The following GINS2 variants were observed in gnomAD, a reference collection of about 807,000 sequenced individuals.
GINS2 encodes the protein GINS complex subunit 2, also known as DNA replication complex GINS protein PSF2.
A neutral mutation model predicts 21.2 loss-of-function variants in GINS2; 23 were observed. The ratio of observed to expected loss-of-function variants is 1.08; its 90% CI spans 0.78 to 1.53. The LOEUF is 1.53. Among genes scored for constraint, GINS2 ranks in the 40% most tolerant of loss-of-function variants. The pLI is 0.00. For synonymous variants in GINS2, 118 were observed against 85.6 expected (o/e 1.38, Z -2.09); for missense variants, 323 against 233.9 (o/e 1.38, Z -2.49).
chr16:85,678,347 G>C lies in GINS2; in HGVS notation c.433-10C>G. The C allele has an allele frequency of 6.2e-7, 1 of 1,613,626 alleles. No individual in the cohort carries two copies. The highest frequency in any genetic ancestry group is 8.5e-7 in the Non-Finnish European group (1 of 1,179,798). On this transcript the variant is annotated splice_polypyrimidine_tract_variant and intron_variant, in intron 4 of 4. Transcript: ENST00000253462. ...AGGTCAAGTTATCCAGCTAAAGCAA[G>C]AAAACAGACCAAGTTGGCCAAGGAG...
chr16:85,688,755 G>T, intron 1 of GINS2, 54 bp downstream of exon 1: 1 of 1,149,482 alleles, frequency 8.7e-7, no homozygotes, highest in Non-Finnish European at 1.2e-6. Flanking sequence ...CCACGCGGGA[G>T]CCCCGGACGC....
chr16:85,686,977 G>A (rs139855694), intron 2 of GINS2, among the ~76,000 whole-genome samples: 143 of 152,306 alleles, frequency 9.4e-4, no homozygotes, highest in African/African-American at 3.4e-3. Context: ...TATAATCCCA[G>A]CAGATCTGCC....
intron 2 of GINS2, among the ~76,000 whole-genome samples, chr16:85,684,440 C>T (rs1473328722): frequency 6.6e-6 from 1 of 152,132 alleles, no homozygotes; most frequent in Admixed American, 6.5e-5. Flanking sequence ...GGCTGCAATT[C>T]ACTATGATCA....
chr16:85,687,570 TC>T lies in GINS2; in HGVS notation c.94del (p.Asp32ThrfsTer21). On this transcript the variant is annotated frameshift_variant, in exon 2 of 5. Transcript: ENST00000253462. LOFTEE classifies it high-confidence loss of function. ...TAAACCAGGGTTAAAAGGCCCCAGG[TC>T]CCCCTGCCAAAAGTAAAACAATTCC... Reference protein sequence around the residue: ...SLDKIYLIGGDLGPFNPGLPV... With the variant: ...SLDKIYLIGGXLGPFNPGLPV... The T allele has an allele frequency of 6.5e-7, 1 of 1,544,702 alleles. No individual in the cohort carries two copies. Among genetic ancestry groups the T allele is most frequent in the Non-Finnish European group, 8.7e-7 (1 of 1,147,316 alleles).
chr16:85,687,202 T>C (rs1189088476), intron 2 of GINS2, among the ~76,000 whole-genome samples: 2 of 152,234 alleles, frequency 1.3e-5, no homozygotes, highest in Non-Finnish European at 2.9e-5. Context: ...GCCTGGGTGA[T>C]GGAGTCAGAC....
chr16:85,687,519 G>A lies in GINS2; in HGVS notation c.146C>T (p.Ala49Val), dbSNP rs777218629. The change falls in exon 2 of 5, where the codon GCG becomes GTG. Residue 49 changes from alanine to valine, a missense_variant. Ala to Val is a moderately conservative substitution (Grantham distance 64, BLOSUM62 0). Coordinates refer to ENST00000253462, the MANE Select transcript of GINS2 (RefSeq NM_016095.3). ...TTTCTGTCTTTGTTTCAGGTTAATC[G>A]CCAGCCACAGGGGCACTTCCACGGG... ...GLPVEVPLWL[A>V]INLKQRQKCR... The A allele has an allele frequency of 1.3e-6, 2 of 1,595,652 alleles. No homozygotes were observed. The highest frequency in any genetic ancestry group is 1.8e-5 in the Admixed American group (1 of 55,764).
chr16:85,688,866 C>T lies in GINS2; in HGVS notation c.33G>A (p.Glu11=). The change falls in exon 1 of 5, where the codon GAG becomes GAA. Residue 11 remains glutamate (E), a synonymous_variant. Transcript: ENST00000253462. MDAAEVEFLA[E]KELVTIIPNF... The stretch of plus-strand genomic sequence containing the variant: ...TGGGGATAATGGTAACCAGCTCCTT[C>T]TCGGCGAGGAATTCGACCTCGGCAG... 1 of 1,543,524 alleles carries T rather than the reference C, an allele frequency of 6.5e-7. No individual in the cohort carries two copies. Among genetic ancestry groups the T allele is most frequent in the Non-Finnish European group, 8.7e-7 (1 of 1,143,114 alleles).
intron 2 of GINS2, among the ~76,000 whole-genome samples, chr16:85,682,638 G>A (rs904022234): frequency 2.6e-5 from 4 of 152,066 alleles, no homozygotes; most frequent in South Asian, 2.1e-4. Flanking sequence ...CCCCAGCCGG[G>A]AGGAGGCATG....
rs748067297 is a variant in GINS2, at chr16:85,681,571, G to C, written c.305+11C>G. 23 of 1,506,318 alleles carry C rather than the reference G, an allele frequency of 1.5e-5. No homozygotes were observed. Among genetic ancestry groups the C allele is most frequent in the Middle Eastern group, 1.7e-4 (1 of 5,858 alleles). 93.3% of individuals were successfully genotyped at this position (1,506,318 alleles called of 1,614,324 possible). A position where few individuals can be genotyped will look rare whatever the true frequency, so the allele number is the denominator to read the frequency against. ...CTTGGGTGTGGCCTCTAAGAGGTGAGATCTACTTACTGATTTAACAGGAGC... is the reference window on the plus strand; with the variant it reads ...CTTGGGTGTGGCCTCTAAGAGGTGACATCTACTTACTGATTTAACAGGAGC... On this transcript the variant is annotated intron_variant, in intron 3 of 4. Coordinates refer to ENST00000253462, the MANE Select transcript of GINS2 (RefSeq NM_016095.3).
rs1165573882 is a variant in GINS2 at position 85,688,901 on chromosome 16, C to A, written c.-3G>T. The A allele has an allele frequency of 4.6e-6, 7 of 1,534,650 alleles. No homozygotes were observed. The highest frequency in any genetic ancestry group is 4.0e-5 in the Admixed American group (2 of 49,736). ...AATTCGACCTCGGCAGCGTCCATGG[C>A]GGCGCGAGCTGCAGGCCAGAGCCTC... On this transcript the variant is annotated 5_prime_UTR_variant, in exon 1 of 5. Coordinates refer to ENST00000253462, the MANE Select transcript of GINS2 (RefSeq NM_016095.3).
chr16:85,681,388 GAGAC>G (rs1212722261), intron 3 of GINS2, among the ~76,000 whole-genome samples, 190 bp downstream of exon 3: 5 of 152,368 alleles, frequency 3.3e-5, no homozygotes, highest in Admixed American at 1.3e-4. Context: ...AAGACACACA[GAGAC>G]AGACAGAGTG....
rs1381169057 is a variant in GINS2 at position 85,678,652 on chromosome 16, ATGT to A, written c.317_319del (p.Asn106del). 4 of 1,613,658 alleles carry A rather than the reference ATGT, an allele frequency of 2.5e-6. No homozygotes were observed. The African/African-American group carries it at 4.0e-5, about 16-fold the overall frequency. On this transcript the variant is annotated inframe_deletion, in exon 4 of 5. Transcript: ENST00000253462. The stretch of plus-strand genomic sequence containing the variant: ...GGTCCGGATTTCGTCTGCCTTCGGG[ATGT>A]TGTCTGAAGCACTAAAGGAGCAAGG...
At position 85,684,372 on chromosome 16, in the gene GINS2, G is replaced by A. The variant is rs150622211; in HGVS notation, c.206-2691C>T. Among the ~76,000 whole-genome samples the A allele has an allele frequency of 1.4e-3, 206 of 152,256 alleles. 2 individuals carry two copies. The highest frequency in any genetic ancestry group is 4.7e-3 in the African/African-American group (197 of 41,552). ...GAGCTGGGCACATTGATGCACACCT[G>A]TAGTCCCAGCTACTAGGGAGGCTGA... is the stretch of plus-strand genomic sequence containing the variant. On this transcript the variant is annotated intron_variant, in intron 2 of 4. Coordinates refer to ENST00000253462, the MANE Select transcript of GINS2 (RefSeq NM_016095.3).
At chr16:85,686,931 A>C (rs764859717) in intron 2 of GINS2, among the ~76,000 whole-genome samples, 1 of 152,272 alleles carries the variant, frequency 6.6e-6, no homozygotes, top group Non-Finnish European at 1.5e-5. Context: ...GAAATATCTT[A>C]CATTAAAATA....
intron 2 of GINS2, among the ~76,000 whole-genome samples, chr16:85,683,254 C>T (rs2053749073): frequency 6.6e-6 from 1 of 152,050 alleles, no homozygotes; most frequent in Non-Finnish European, 1.5e-5. Flanking sequence ...CCTGGCAATT[C>T]CTCCTGACCT....
intron 1 of GINS2, 165 bp from the exon 2 acceptor site, chr16:85,687,739 G>A (rs1189056463): frequency 2.0e-6 from 1 of 489,352 alleles, no homozygotes; most frequent in East Asian, 3.4e-5. Flanking sequence ...CGCCTCCTGA[G>A]CGGCTCCGAG....
At position 85,676,888 on chromosome 16, in the gene GINS2, G is replaced by C. The variant is rs957354031; in HGVS notation, c.*1324C>G. ...GTTAAAATTTTTTTTGTTTGAGACAGAGTCTTGCTCTCGTTGCCCAGGCAG... is the reference window on the plus strand; with the variant it reads ...GTTAAAATTTTTTTTGTTTGAGACACAGTCTTGCTCTCGTTGCCCAGGCAG... On this transcript the variant is annotated 3_prime_UTR_variant, in exon 5 of 5. Transcript: ENST00000253462. 3 of 152,222 alleles carry C rather than the reference G, an allele frequency of 2.0e-5. No individual in the cohort carries two copies. The highest frequency in any genetic ancestry group is 7.2e-5 in the African/African-American group (3 of 41,442). 9.4% of individuals were successfully genotyped at this position (152,222 alleles called of 1,614,324 possible). A position where few individuals can be genotyped will look rare whatever the true frequency, so the allele number is the denominator to read the frequency against.
chr16:85,684,744 A>G (rs2053760931), intron 2 of GINS2, among the ~76,000 whole-genome samples: 1 of 150,668 alleles, frequency 6.6e-6, no homozygotes, highest in African/African-American at 2.4e-5. Context: ...ACAAAAAATG[A>G]CATACTAGAT....
chr16:85,687,261 T>C (rs1254340745), intron 2 of GINS2, among the ~76,000 whole-genome samples, 199 bp downstream of exon 2: 2 of 152,332 alleles, frequency 1.3e-5, no homozygotes, highest in South Asian at 2.1e-4. Context: ...AAACCTAACA[T>C]GACATTACTA....
Sources: allele counts gnomAD v4.1 joint callset (sites outside exome capture counted in the v4.1 genomes callset), GRCh38; gene constraint gnomAD v4.1.1; transcripts MANE v1.5; gene names NCBI Gene and HGNC (gene_info 2026-07-23, HGNC 2026-07-21).